Variants in PCSK5 observed in about 807,000 individuals in gnomAD.
PCSK5 encodes the protein proprotein convertase subtilisin/kexin type 5, also known as prohormone convertase 5.
In PCSK5, 129 loss-of-function variants were observed where a neutral mutation model predicts 233.2. The observed-to-expected ratio is 0.55, with a 90% CI of 0.48 to 0.64. The LOEUF (loss-of-function observed/expected upper bound fraction) is 0.64. Ranked by LOEUF, PCSK5 falls within the 30% of genes least tolerant of loss-of-function variation. PCSK5 has a pLI of 0.00. For missense variants in PCSK5, 2,076 were observed against 2,430.1 expected, an observed-to-expected ratio of 0.85 and a Z score of 3.06; for synonymous variants, 825 against 879.2, an observed-to-expected ratio of 0.94 and a Z score of 1.09.
At chr9:76,239,347 C>T (rs1826355641) in intron 23 of PCSK5, among the ~76,000 whole-genome samples, 182 bp downstream of exon 23, 1 of 152,140 alleles carries the variant, frequency 6.6e-6, no homozygotes. Flanking sequence ...GTTCACACAC[C>T]CTTTCTCTGG....
At chr9:75,964,395 TGA>T (rs937210244) in intron 2 of PCSK5, among the ~76,000 whole-genome samples, 2 of 152,220 alleles carry the variant, frequency 1.3e-5, no homozygotes, top group African/African-American at 4.8e-5. Flanking sequence ...GTGCTTACAT[TGA>T]GAGTATTCTA....
intron 4 of PCSK5, 56 bp downstream of exon 4, chr9:76,023,937 G>A (rs996159894): frequency 2.0e-6 from 3 of 1,491,982 alleles, no homozygotes; most frequent in South Asian, 1.3e-5. Context: ...AGAAACTCAT[G>A]TTAGGATTAT....
At chr9:76,159,750 G>A (rs374123010) in intron 12 of PCSK5, among the ~76,000 whole-genome samples, 96 of 151,298 alleles carry the variant, frequency 6.3e-4, no homozygotes, top group Non-Finnish European at 9.1e-4. Context: ...ACTGAGAGGC[G>A]CAGGCTAGAT....
chr9:76,013,597 C>T (rs1827823489), intron 3 of PCSK5, among the ~76,000 whole-genome samples: 1 of 152,064 alleles, frequency 6.6e-6, no homozygotes, highest in Non-Finnish European at 1.5e-5. Context: ...ATTTATTTGT[C>T]TTTCTTTCCG....
chr9:76,067,323 T>C (rs1268247209), intron 5 of PCSK5, among the ~76,000 whole-genome samples: 1 of 152,210 alleles, frequency 6.6e-6, no homozygotes, highest in Non-Finnish European at 1.5e-5. Context: ...GTAAAATAAG[T>C]GTGGATAACA....
intron 1 of PCSK5, among the ~76,000 whole-genome samples, chr9:75,931,529 C>T (rs536567629): frequency 3.3e-4 from 51 of 152,248 alleles, no homozygotes; most frequent in Admixed American, 5.9e-4. Context: ...GGAATTAGAA[C>T]CAAGCTCTTC....
intron 5 of PCSK5, among the ~76,000 whole-genome samples, chr9:76,050,815 A>G (rs1281792868): frequency 6.6e-6 from 1 of 152,138 alleles, no homozygotes; most frequent in East Asian, 1.9e-4. Flanking sequence ...TAGAAACATA[A>G]TGTGCTAATA....
chr9:76,210,075 T>G (rs1053602196), intron 20 of PCSK5, among the ~76,000 whole-genome samples: 1 of 152,182 alleles, frequency 6.6e-6, no homozygotes, highest in Non-Finnish European at 1.5e-5. Flanking sequence ...GGATGTGTCT[T>G]AGTTGACCTC....
intron 3 of PCSK5, among the ~76,000 whole-genome samples, chr9:76,019,218 C>G (rs375788326): frequency 2.6e-5 from 4 of 151,682 alleles, no homozygotes; most frequent in African/African-American, 9.7e-5. Context: ...ATGTAAGGAC[C>G]TAGTAAACGG....
intron 3 of PCSK5, among the ~76,000 whole-genome samples, chr9:75,989,189 T>C (rs769620982): frequency 1.2e-4 from 18 of 152,308 alleles, no homozygotes; most frequent in Non-Finnish European, 1.8e-4. Flanking sequence ...ATCTCCATGA[T>C]TGAATCAGTC....
chr9:75,954,041 TTAAAA>T (rs1268340554), intron 2 of PCSK5, among the ~76,000 whole-genome samples: 5 of 152,160 alleles, frequency 3.3e-5, no homozygotes, highest in African/African-American at 1.2e-4. Context: ...GCTGATAAAC[TTAAAA>T]TAAGAATAAA....
intron 5 of PCSK5, among the ~76,000 whole-genome samples, chr9:76,035,141 C>T (rs757004689): frequency 4.6e-5 from 7 of 152,178 alleles, no homozygotes; most frequent in Non-Finnish European, 8.8e-5. Context: ...TATTATAAAA[C>T]AGCCCAGTGT....
rs941557217 is a variant in PCSK5 at position 76,321,402 on chromosome 9, A to G, written c.3885-20A>G. ...CCAGCAGGTCAGCTTCTCCAGTTGC[A>G]CTCTGTCTTCCTTCCACAGGGGCTC... On this transcript the variant is annotated intron_variant, in intron 30 of 37. Coordinates refer to ENST00000674117, the MANE Select transcript of PCSK5 (RefSeq NM_001372043.1). The G allele has an allele frequency of 1.5e-6, 2 of 1,330,520 alleles. No individual in the cohort carries two copies. The highest frequency in any genetic ancestry group is 2.3e-5 in the East Asian group (1 of 43,400). 82.4% of individuals were successfully genotyped at this position (1,330,520 alleles called of 1,614,324 possible). A position where few individuals can be genotyped will look rare whatever the true frequency, so the allele number is the denominator to read the frequency against.
chr9:76,117,075 GAAAC>G (rs1267703126), intron 9 of PCSK5, among the ~76,000 whole-genome samples: 1 of 151,882 alleles, frequency 6.6e-6, no homozygotes, highest in East Asian at 1.9e-4. Flanking sequence ...TCCTTATTTT[GAAAC>G]AAACTTTTTT....
At chr9:76,223,126 C>G (rs1238126118) in intron 20 of PCSK5, among the ~76,000 whole-genome samples, 4 of 152,214 alleles carry the variant, frequency 2.6e-5, no homozygotes, top group Non-Finnish European at 5.9e-5. Context: ...TCAAATTCCT[C>G]CCATCCTCTC....
intron 6 of PCSK5, among the ~76,000 whole-genome samples, chr9:76,068,810 G>A (rs753770082): frequency 2.0e-5 from 3 of 152,128 alleles, no homozygotes; most frequent in African/African-American, 7.2e-5. Flanking sequence ...ATGCCTGAAG[G>A]TATTCCCTAG....
At chr9:75,914,655 T>C (rs1006280) in intron 1 of PCSK5, among the ~76,000 whole-genome samples, 47,633 of 151,986 alleles carry the variant, frequency 0.31, 7,992 homozygotes, top group African/African-American at 0.39. Context: ...CAAGTTCTAT[T>C]ATGAAAGCAG....
intron 3 of PCSK5, among the ~76,000 whole-genome samples, chr9:76,007,796 T>TTGTGTGTGTGTGTGTGTGTGTGTG (rs59860078): frequency 7.8e-6 from 1 of 128,306 alleles, no homozygotes; most frequent in Non-Finnish European, 1.6e-5. Context: ...CCGGCTAATT[T>TTGTGTGTGTGTGTGTGTGTGTGTG]TGTGTGTGTG....
chr9:76,103,820 G>GAGCAAT (rs1385128264), intron 8 of PCSK5, among the ~76,000 whole-genome samples: 1 of 152,182 alleles, frequency 6.6e-6, no homozygotes, highest in African/African-American at 2.4e-5. Flanking sequence ...AATCTGAGAA[G>GAGCAAT]TTCTTTGGAG....
Sources: gnomAD v4.1 joint callset for allele counts (sites outside exome capture counted in the v4.1 genomes callset) on GRCh38, gnomAD v4.1.1 for gene constraint, MANE v1.5 for transcripts, NCBI Gene and HGNC (gene_info 2026-07-23, HGNC 2026-07-21) for gene names.